COX11: variants seen among roughly 807,000 people sequenced by gnomAD.
The protein encoded by COX11 is cytochrome c oxidase copper chaperone COX11.
Under a neutral mutation model 29.4 loss-of-function variants are expected in COX11, and 18 were observed. That is an observed-to-expected ratio of 0.61 (90% CI 0.42 to 0.91). The LOEUF is 0.91. Among genes scored for constraint, COX11 ranks in the 40% least tolerant of loss-of-function variants. The probability of loss-of-function intolerance (pLI) is 0.00; values close to 1 mark genes in which losing one functional copy is unlikely to be tolerated. For missense variants in COX11, 312 were observed against 346.0 expected, an observed-to-expected ratio of 0.90 and a Z score of 0.78; for synonymous variants, 131 against 124.0, an observed-to-expected ratio of 1.06 and a Z score of -0.38.
At chr17:54,967,887 A>C (rs555455058) in intron 1 of COX11, among the ~76,000 whole-genome samples, 6 of 152,076 alleles carry the variant, frequency 3.9e-5, no homozygotes, top group Non-Finnish European at 7.4e-5. Context: ...CCCTTGGCAC[A>C]TAAACCACAT....
intron 3 of COX11, 86 bp downstream of exon 3, chr17:54,963,220 C>T (rs1598105911): frequency 6.9e-7 from 1 of 1,440,782 alleles, no homozygotes; most frequent in Non-Finnish European, 9.5e-7. Flanking sequence ...TTTCAGAAAT[C>T]ACAAGATCTA....
intron 1 of COX11, among the ~76,000 whole-genome samples, chr17:54,967,996 CTTTT>C (rs66732337): frequency 8.0e-6 from 1 of 124,514 alleles, no homozygotes; most frequent in Non-Finnish European, 1.6e-5. Context: ...GGCTGCGGAC[CTTTT>C]TTTTTTTTTT....
exon 1 of COX11, chr17:54,954,489 G>C (rs2049393443): frequency 6.6e-6 from 1 of 152,280 alleles, no homozygotes; most frequent in Non-Finnish European, 1.5e-5. Flanking sequence ...GCCTGCTATT[G>C]CCATAGCAGG....
chr17:54,964,691 A>G lies in COX11; in HGVS notation c.522+6T>C. The G allele has an allele frequency of 6.2e-7, 1 of 1,612,590 alleles. No homozygotes were observed. The highest frequency in any genetic ancestry group is 8.5e-7 in the Non-Finnish European group (1 of 1,178,846). ...GTAATCTTTTAATGACTGGTTAGTC[A>G]CTTACATATATTTCTGTTTGCTGAG... On this transcript the variant is annotated splice_donor_region_variant and intron_variant, in intron 2 of 3. Coordinates refer to ENST00000299335, the MANE Select transcript of COX11 (RefSeq NM_004375.5).
chr17:54,955,675 G>C (rs1327144776), downstream of COX11, among the ~76,000 whole-genome samples: 1 of 151,958 alleles, frequency 6.6e-6, no homozygotes, highest in Non-Finnish European at 1.5e-5. Flanking sequence ...TTAAAACGAT[G>C]GCGATGTCTC....
Position 54,961,250 on chromosome 17 carries a change from C to CAGCT in COX11, c.*1479_*1482dup, listed in dbSNP as rs1392340793. 1 of 1,547,330 alleles carries CAGCT rather than the reference C, an allele frequency of 6.5e-7. No individual in the cohort carries two copies. Among genetic ancestry groups the CAGCT allele is most frequent in the South Asian group, 1.2e-5 (1 of 83,978 alleles). On this transcript the variant is annotated 3_prime_UTR_variant, in exon 4 of 4. Transcript: ENST00000299335. ...TTTATTTTAGAAGAAAGTGGATGATCAGCTCACTACCACATCAAAGGTGCC... is the reference window on the plus strand; with the variant it reads ...TTTATTTTAGAAGAAAGTGGATGATCAGCTAGCTCACTACCACATCAAAGGTGCC...
intron 1 of COX11, among the ~76,000 whole-genome samples, chr17:54,966,264 G>A (rs2077214688): frequency 6.6e-6 from 1 of 152,134 alleles, no homozygotes; most frequent in Non-Finnish European, 1.5e-5. Context: ...AATGCCTAAA[G>A]TAAAATAGAC....
exon 1 of COX11, chr17:54,951,955 G>A (rs1192019923): frequency 6.6e-6 from 1 of 152,206 alleles, no homozygotes; most frequent in African/African-American, 2.4e-5. Context: ...TTAGGGGCCA[G>A]GATCAGAAAG....
At position 54,961,843 on chromosome 17, in the gene COX11, A is replaced by C. The variant is rs1275445580; in HGVS notation, c.*890T>G. Reference sequence around the variant, plus strand: ...TAAATATGATTCTTTGTAATGCTAAATAGCCTTTTTTTCTCTTTTTACTGC... The same window carrying C: ...TAAATATGATTCTTTGTAATGCTAACTAGCCTTTTTTTCTCTTTTTACTGC... On this transcript the variant is annotated 3_prime_UTR_variant, in exon 4 of 4. Coordinates refer to ENST00000299335, the MANE Select transcript of COX11 (RefSeq NM_004375.5). 1 of 980,274 alleles carries C rather than the reference A, an allele frequency of 1.0e-6. No homozygotes were observed. Among genetic ancestry groups the C allele is most frequent in the Admixed American group, 6.1e-5 (1 of 16,264 alleles). The allele number at this position is 980,274 out of a possible 1,614,324, so 60.7% of individuals were successfully genotyped here.
intron 2 of COX11, among the ~76,000 whole-genome samples, chr17:54,963,684 G>A (rs1486784035): frequency 2.6e-5 from 4 of 152,020 alleles, no homozygotes; most frequent in Non-Finnish European, 4.4e-5. Flanking sequence ...TATATTTGAG[G>A]TCTTCAAGGA....
exon 1 of COX11, chr17:54,953,420 C>T (rs547064685): frequency 6.6e-6 from 1 of 152,346 alleles, no homozygotes; most frequent in Non-Finnish European, 1.5e-5. Context: ...TAACCTGGGG[C>T]TCCTTGGGGG....
downstream of COX11, among the ~76,000 whole-genome samples, chr17:54,955,743 G>A (rs2049468282): frequency 6.6e-6 from 1 of 152,170 alleles, no homozygotes; most frequent in Non-Finnish European, 1.5e-5. Flanking sequence ...TGGATCCCTT[G>A]ACCTAGGTCC....
chr17:54,964,588 T>C (rs1047877917), intron 2 of COX11, 109 bp downstream of exon 2: 82 of 1,020,836 alleles, frequency 8.0e-5, no homozygotes, highest in Non-Finnish European at 1.2e-4. Context: ...GAAAATGCCA[T>C]GTTTTATTAG....
intron 3 of COX11, 128 bp downstream of exon 3, chr17:54,963,178 G>A: frequency 9.2e-7 from 1 of 1,089,258 alleles, no homozygotes; most frequent in South Asian, 1.6e-5. Flanking sequence ...AGATAGTGAA[G>A]AAAAATAGCT....
At chr17:54,968,679 G>A (rs767846923), upstream of COX11, 6 of 1,586,568 alleles carry the variant, frequency 3.8e-6, no homozygotes, top group Admixed American at 1.8e-5. Context: ...CCGCCTCTCA[G>A]GGACGAGAGG....
chr17:54,968,273 G>GT lies in COX11; in HGVS notation c.366+7_366+8insA, dbSNP rs1567860797. On this transcript the variant is annotated splice_region_variant and intron_variant, in intron 1 of 3. Coordinates refer to ENST00000299335, the MANE Select transcript of COX11 (RefSeq NM_004375.5). ...CTGCGCCACCCTGCGGGCGGCGCCG[G>GT]CCCCTACCTGGCAATAGAGCCGATA... is the stretch of plus-strand genomic sequence containing the variant. 2 of 1,602,002 alleles carry GT rather than the reference G, an allele frequency of 1.2e-6. No homozygotes were observed. Among genetic ancestry groups the GT allele is most frequent in the Non-Finnish European group, 1.7e-6 (2 of 1,177,870 alleles).
chr17:54,967,835 GT>G (rs1292688654), intron 1 of COX11, among the ~76,000 whole-genome samples: 1 of 152,100 alleles, frequency 6.6e-6, no homozygotes, highest in Admixed American at 6.5e-5. Context: ...GCTAATCCCA[GT>G]TTAAGCCCAA....
chr17:54,954,473 AC>A (rs2049391694), exon 1 of COX11: 1 of 152,288 alleles, frequency 6.6e-6, no homozygotes. Flanking sequence ...GAAGAGTGCA[AC>A]AGGGGCCTGC....
Position 54,962,734 on chromosome 17 carries a change from C to T in COX11, c.830G>A (p.Ter277=). The T allele has an allele frequency of 1.2e-6, 2 of 1,609,540 alleles. No individual in the cohort carries two copies. Among genetic ancestry groups the T allele is most frequent in the Non-Finnish European group, 1.7e-6 (2 of 1,178,666 alleles). The stretch of plus-strand genomic sequence containing the variant: ...TGAAGGAAGACTTAGTTGCTGACTT[C>T]AATTATATCCTGGAACTGGCAACTT... ...GHKLPVPGYN[*] The change falls in exon 4 of 4, where the codon TGA becomes TAA. Residue 277 remains the stop codon, a stop_retained_variant. Transcript: ENST00000299335.
Sources: allele counts gnomAD v4.1 joint callset (sites outside exome capture counted in the v4.1 genomes callset), GRCh38; gene constraint gnomAD v4.1.1; transcripts MANE v1.5; gene names NCBI Gene and HGNC (gene_info 2026-07-23, HGNC 2026-07-21).